CNIH3: variants seen among roughly 807,000 people sequenced by gnomAD.
CNIH3 encodes protein cornichon homolog 3.
Under a neutral mutation model 24.1 loss-of-function variants are expected in CNIH3, and 14 were observed. That is an observed-to-expected ratio of 0.58 (90% CI 0.38 to 0.91). The LOEUF is 0.91. Among genes scored for constraint, CNIH3 ranks in the 40% least tolerant of loss-of-function variants. The pLI is 0.00. For synonymous variants in CNIH3, 68 were observed against 73.8 expected (o/e 0.92, Z 0.40); for missense variants, 178 against 196.8 (o/e 0.90, Z 0.57).
At chr1:224,685,168 G>A (rs762423980) in intron 3 of CNIH3, among the ~76,000 whole-genome samples, 26 of 152,222 alleles carry the variant, frequency 1.7e-4, no homozygotes, top group African/African-American at 5.8e-4. Context: ...CAGAGCCTTT[G>A]TTCTGTGTGG....
chr1:224,588,757 A>G (rs1681615736), downstream of CNIH3: 1 of 152,024 alleles, frequency 6.6e-6, no homozygotes, highest in African/African-American at 2.4e-5. Context: ...TTTTGCTGGC[A>G]GCACTAGGCA....
chr1:224,510,935 A>G (rs1678126657), upstream of CNIH3, among the ~76,000 whole-genome samples: 1 of 152,230 alleles, frequency 6.6e-6, no homozygotes, highest in Admixed American at 6.5e-5. Flanking sequence ...ATTCCACCAC[A>G]GGCCAGCACT....
At chr1:224,441,017 C>T (rs550808967) in intron 1 of CNIH3, among the ~76,000 whole-genome samples, 1 of 152,184 alleles carries the variant, frequency 6.6e-6, no homozygotes, top group South Asian at 2.1e-4. Flanking sequence ...AGGGTTTCAC[C>T]GTGTTAGCCA....
chr1:224,651,429 A>C (rs1256452499), intron 1 of CNIH3, among the ~76,000 whole-genome samples: 1 of 152,204 alleles, frequency 6.6e-6, no homozygotes, highest in Non-Finnish European at 1.5e-5. Flanking sequence ...CCATCACTTT[A>C]AAAAAGTTGC....
chr1:224,477,532 C>T (rs1676636521), intron 1 of CNIH3, among the ~76,000 whole-genome samples: 1 of 152,136 alleles, frequency 6.6e-6, no homozygotes, highest in Non-Finnish European at 1.5e-5. Flanking sequence ...TGAACAAAAC[C>T]CCCAAAATTA....
chr1:224,473,733 C>T (rs1676458976), intron 1 of CNIH3, among the ~76,000 whole-genome samples: 3 of 152,192 alleles, frequency 2.0e-5, no homozygotes, highest in South Asian at 4.1e-4. Flanking sequence ...GCATTGGGCA[C>T]ATCTCCTAGA....
At chr1:224,661,220 A>T (rs750386090) in intron 1 of CNIH3, 11 of 293,258 alleles carry the variant, frequency 3.8e-5, no homozygotes, top group East Asian at 9.6e-5. Flanking sequence ...ATCGTTAAGG[A>T]CTTTAACTGG....
chr1:224,542,379 C>T (rs1013969114), downstream of CNIH3, among the ~76,000 whole-genome samples: 1 of 151,996 alleles, frequency 6.6e-6, no homozygotes, highest in Non-Finnish European at 1.5e-5. Context: ...GTACCTATGA[C>T]CTAAAATGGA....
At chr1:224,682,480 C>T (rs990985219) in intron 2 of CNIH3, among the ~76,000 whole-genome samples, 20 of 152,272 alleles carry the variant, frequency 1.3e-4, no homozygotes, top group East Asian at 5.8e-4. Context: ...GAAATAGAGA[C>T]GAACTCTTTC....
At chr1:224,482,672 C>T (rs1676861973) in intron 1 of CNIH3, among the ~76,000 whole-genome samples, 1 of 151,774 alleles carries the variant, frequency 6.6e-6, no homozygotes, top group South Asian at 2.1e-4. Flanking sequence ...AGGAAGGGGT[C>T]ACTTTTGGAG....
intron 1 of CNIH3, among the ~76,000 whole-genome samples, chr1:224,475,228 C>T (rs1269039282): frequency 6.7e-6 from 1 of 150,104 alleles, no homozygotes; most frequent in East Asian, 2.0e-4. Context: ...TGGCTGCATG[C>T]GCCTGTAGTC....
downstream of CNIH3, among the ~76,000 whole-genome samples, chr1:224,591,292 T>A (rs938273038): frequency 6.6e-6 from 1 of 152,326 alleles, no homozygotes; most frequent in Non-Finnish European, 1.5e-5. Flanking sequence ...ATTTATATTC[T>A]CCACTGGCTC....
intron 3 of CNIH3, among the ~76,000 whole-genome samples, chr1:224,551,188 A>G (rs1679906148): frequency 6.6e-6 from 1 of 152,068 alleles, no homozygotes; most frequent in Non-Finnish European, 1.5e-5. Context: ...TAGAACTAGA[A>G]ATACCATTTG....
chr1:224,687,190 C>T (rs552257362), intron 3 of CNIH3, among the ~76,000 whole-genome samples: 1 of 152,342 alleles, frequency 6.6e-6, no homozygotes, highest in East Asian at 1.9e-4. Context: ...GAGTGGCCAG[C>T]ACCTCTTCAC....
intron 1 of CNIH3, among the ~76,000 whole-genome samples, chr1:224,463,772 C>T (rs71644786): frequency 0.22 from 16,619 of 75,682 alleles, 1,436 homozygotes; most frequent in Middle Eastern, 0.27. Context: ...GAATTGTCCT[C>T]ATTTTTTTTT....
At chr1:224,461,476 C>G (rs1319726960) in intron 1 of CNIH3, among the ~76,000 whole-genome samples, 1 of 152,156 alleles carries the variant, frequency 6.6e-6, no homozygotes, top group African/African-American at 2.4e-5. Context: ...ACACTTGCTT[C>G]CCTTTGCTTA....
At chr1:224,486,008 G>A (rs1379280503) in intron 1 of CNIH3, among the ~76,000 whole-genome samples, 1 of 152,036 alleles carries the variant, frequency 6.6e-6, no homozygotes, top group Admixed American at 6.5e-5. Flanking sequence ...TCCCTTTGAG[G>A]TGGTTTATTA....
chr1:224,471,570 C>A (rs1252412240), intron 1 of CNIH3, among the ~76,000 whole-genome samples: 1 of 151,302 alleles, frequency 6.6e-6, no homozygotes, highest in African/African-American at 2.4e-5. Flanking sequence ...CATGTTGTTG[C>A]AAATGACAGA....
intron 1 of CNIH3, among the ~76,000 whole-genome samples, chr1:224,646,212 A>G (rs1045765979): frequency 5.9e-5 from 9 of 152,216 alleles, no homozygotes; most frequent in African/African-American, 2.2e-4. Flanking sequence ...TGGCACTTAT[A>G]TGGGCCTAAC....
Sources: allele counts gnomAD v4.1 joint callset (sites outside exome capture counted in the v4.1 genomes callset), GRCh38; gene constraint gnomAD v4.1.1; transcripts MANE v1.5; gene names NCBI Gene and HGNC (gene_info 2026-07-23, HGNC 2026-07-21).